The following CSMD1 variants were observed in gnomAD, a reference collection of about 807,000 sequenced individuals.
The protein encoded by CSMD1 is CUB and sushi domain-containing protein 1.
In CSMD1, 213 loss-of-function variants were observed where a neutral mutation model predicts 417.5. That is an observed-to-expected ratio of 0.51 (90% confidence interval 0.46 to 0.57). The LOEUF is 0.57. Among genes scored for constraint, CSMD1 ranks in the 20% least tolerant of loss-of-function variants. CSMD1 has a pLI of 0.00. For synonymous variants in CSMD1, 2,862 were observed against 1,736.8 expected (o/e 1.65, Z -16.11); for missense variants, 6,923 against 4,529.7 (o/e 1.53, Z -15.17).
chr8:3,169,438 T>C (rs180854072), intron 37 of CSMD1, among the ~76,000 whole-genome samples: 1 of 152,060 alleles, frequency 6.6e-6, no homozygotes, highest in South Asian at 2.1e-4. Context: ...AAATATTGTA[T>C]GATTCCACTC....
intron 7 of CSMD1, among the ~76,000 whole-genome samples, chr8:3,704,458 C>CAT (rs1453800004): frequency 6.6e-6 from 1 of 152,168 alleles, no homozygotes; most frequent in African/African-American, 2.4e-5. Flanking sequence ...TGCCTAGGGA[C>CAT]ATAACCACAA....
Position 3,745,102 on chromosome 8 carries a change from G to C in CSMD1, c.931+8828C>G, listed in dbSNP as rs529811621. ...ACATACAAGCTGAATTGTAGCCCTA[G>C]ATATGTGTCTTGAGAAAGCAAAGCT... On this transcript the variant is annotated intron_variant, in intron 6 of 69. Transcript: ENST00000635120. Among the ~76,000 whole-genome samples the C allele has an allele frequency of 1.2e-4, 19 of 152,286 alleles. No homozygotes were observed. In the South Asian group the frequency reaches 3.5e-3, roughly 28 times the overall value.
chr8:4,257,860 C>A (rs1803574245), intron 3 of CSMD1, among the ~76,000 whole-genome samples: 1 of 152,214 alleles, frequency 6.6e-6, no homozygotes, highest in African/African-American at 2.4e-5. Context: ...TATTCAGCTA[C>A]AGCGTACTGA....
At chr8:3,577,693 CT>C (rs1334037711) in intron 9 of CSMD1, among the ~76,000 whole-genome samples, 11 of 152,206 alleles carry the variant, frequency 7.2e-5, no homozygotes, top group African/African-American at 1.2e-4. Context: ...TCTAACCCTC[CT>C]TCTTAGGACA....
At chr8:4,847,545 T>C (rs1474771434) in intron 1 of CSMD1, among the ~76,000 whole-genome samples, 1 of 152,172 alleles carries the variant, frequency 6.6e-6, no homozygotes, top group Non-Finnish European at 1.5e-5. Context: ...GGGCCGATAC[T>C]GGAATATTTT....
chr8:3,660,841 G>C (rs1798379588), intron 7 of CSMD1, among the ~76,000 whole-genome samples: 1 of 152,050 alleles, frequency 6.6e-6, no homozygotes, highest in African/African-American at 2.4e-5. Context: ...TAACTCATGA[G>C]GATTAGATCA....
In CSMD1 at chr8:4,458,001, G is replaced by A. The variant is rs1217679; in HGVS notation, c.303-37936C>T. ...TTGGTGGCACTTCCCCTGAGAGGTA[G>A]TGACTTCTCCCTATATCCGGTATTC... On this transcript the variant is annotated intron_variant, in intron 2 of 69. Transcript: ENST00000635120. Among the ~76,000 whole-genome samples the A allele has an allele frequency of 4.7e-3, 721 of 152,278 alleles. 3 individuals carry two copies. Among genetic ancestry groups the A allele is most frequent in the African/African-American group, 0.017 (686 of 41,564 alleles).
chr8:3,996,268 CCTTTAA>C (rs1266751197), intron 5 of CSMD1, among the ~76,000 whole-genome samples: 4 of 152,100 alleles, frequency 2.6e-5, no homozygotes, highest in Admixed American at 2.0e-4. Flanking sequence ...AAAAATAAGA[CCTTTAA>C]CTTTAAGCAT....
At chr8:4,494,194 A>G (rs1801865906) in intron 2 of CSMD1, among the ~76,000 whole-genome samples, 1 of 152,222 alleles carries the variant, frequency 6.6e-6, no homozygotes, top group Non-Finnish European at 1.5e-5. Context: ...ATAAATGTTA[A>G]GAAACCAGCT....
chr8:3,019,722 T>A (rs969543435), intron 51 of CSMD1, among the ~76,000 whole-genome samples: 1 of 152,164 alleles, frequency 6.6e-6, no homozygotes, highest in Non-Finnish European at 1.5e-5. Flanking sequence ...ATGAAAGTAC[T>A]CCAGTTTGGC....
At chr8:4,777,806 T>A (rs756559256) in intron 1 of CSMD1, among the ~76,000 whole-genome samples, 1 of 152,218 alleles carries the variant, frequency 6.6e-6, no homozygotes, top group Non-Finnish European at 1.5e-5. Context: ...CAGGGAAGCA[T>A]GTGGTGTTTC....
At chr8:3,267,840 C>T (rs960993444) in intron 26 of CSMD1, among the ~76,000 whole-genome samples, 11 of 152,050 alleles carry the variant, frequency 7.2e-5, no homozygotes, top group African/African-American at 1.9e-4. Context: ...CAACCATTGA[C>T]GGGATGTGCA....
At chr8:4,169,311 A>G (rs929625024) in intron 3 of CSMD1, among the ~76,000 whole-genome samples, 1 of 152,126 alleles carries the variant, frequency 6.6e-6, no homozygotes, top group Non-Finnish European at 1.5e-5. Flanking sequence ...TCCTTCCTCT[A>G]AAGCTGGTCC....
At chr8:3,745,024 G>C (rs540787150) in intron 6 of CSMD1, among the ~76,000 whole-genome samples, 2 of 152,274 alleles carry the variant, frequency 1.3e-5, no homozygotes, top group East Asian at 3.9e-4. Flanking sequence ...TCTCCGGGCA[G>C]TGAATATTTA....
intron 47 of CSMD1, among the ~76,000 whole-genome samples, chr8:3,092,358 T>C (rs1273932998): frequency 6.6e-6 from 1 of 152,082 alleles, no homozygotes; most frequent in East Asian, 1.9e-4. Flanking sequence ...ATAACAATTA[T>C]ACAAAAAATA....
chr8:3,454,261 T>G (rs577117553), intron 12 of CSMD1, among the ~76,000 whole-genome samples: 2 of 152,340 alleles, frequency 1.3e-5, no homozygotes, highest in South Asian at 4.1e-4. Flanking sequence ...CTTGACTCTT[T>G]ATCCAATTTG....
At chr8:4,815,725 A>G (rs924856985) in intron 1 of CSMD1, among the ~76,000 whole-genome samples, 3 of 150,536 alleles carry the variant, frequency 2.0e-5, no homozygotes, top group African/African-American at 7.3e-5. Flanking sequence ...AAAAGAAGAG[A>G]AAGGAAACCT....
chr8:4,462,422 A>C (rs576554090), intron 2 of CSMD1, among the ~76,000 whole-genome samples: 1 of 152,230 alleles, frequency 6.6e-6, no homozygotes, highest in Non-Finnish European at 1.5e-5. Context: ...ATACTCCCCA[A>C]ATTGATTAGC....
intron 1 of CSMD1, among the ~76,000 whole-genome samples, chr8:4,831,263 G>C (rs573766685): frequency 3.3e-5 from 5 of 152,290 alleles, no homozygotes; most frequent in South Asian, 2.1e-4. Context: ...TTGTAGGTTT[G>C]ACTGGGAAAT....
Sources: allele counts gnomAD v4.1 joint callset (sites outside exome capture counted in the v4.1 genomes callset), GRCh38; gene constraint gnomAD v4.1.1; transcripts MANE v1.5; gene names NCBI Gene and HGNC (gene_info 2026-07-23, HGNC 2026-07-21).